The following CHST8 variants were observed in gnomAD, a reference collection of about 807,000 sequenced individuals.
CHST8 encodes carbohydrate sulfotransferase 8.
In CHST8, 10 loss-of-function variants were observed where a neutral mutation model predicts 15.0. The observed-to-expected ratio is 0.67, with a 90% confidence interval of 0.41 to 1.13. The LOEUF (loss-of-function observed/expected upper bound fraction) is 1.13, where lower values mean the gene tolerates loss of function less well. Ranked by LOEUF, CHST8 falls within the 50% of genes most tolerant of loss-of-function variation. CHST8 has a pLI of 0.00. For synonymous variants in CHST8, 259 were observed against 256.6 expected, an observed-to-expected ratio of 1.01 and a Z score of -0.09; for missense variants, 634 against 608.2, an observed-to-expected ratio of 1.04 and a Z score of -0.45.
intron 1 of CHST8, among the ~76,000 whole-genome samples, chr19:33,630,015 C>A (rs77626230): frequency 6.6e-6 from 1 of 151,938 alleles, no homozygotes; most frequent in African/African-American, 2.4e-5. Flanking sequence ...CAGACTGACT[C>A]GCACTTGGCA....
At chr19:33,703,334 G>C (rs1423937033) in intron 3 of CHST8, among the ~76,000 whole-genome samples, 1 of 152,186 alleles carries the variant, frequency 6.6e-6, no homozygotes, top group Non-Finnish European at 1.5e-5. Flanking sequence ...TGATGTCCTC[G>C]AGCCCCTGTT....
At chr19:33,652,372 CTTTTTTTTTTT>C (rs971053736) in intron 1 of CHST8, among the ~76,000 whole-genome samples, 1 of 100,614 alleles carries the variant, frequency 9.9e-6, no homozygotes, top group Non-Finnish European at 2.0e-5. Flanking sequence ...TTTTCTCTCT[CTTTTTTTTTTT>C]TTTTTTTTTT....
At chr19:33,627,871 T>A (rs914126967) in intron 1 of CHST8, among the ~76,000 whole-genome samples, 3 of 152,206 alleles carry the variant, frequency 2.0e-5, no homozygotes, top group African/African-American at 7.2e-5. Context: ...CCTGCCCTTG[T>A]GAGTTAGATG....
At chr19:33,758,617 G>T (rs917107724) in intron 3 of CHST8, among the ~76,000 whole-genome samples, 7 of 152,238 alleles carry the variant, frequency 4.6e-5, no homozygotes, top group Non-Finnish European at 8.8e-5. Flanking sequence ...GCCGGCTGGA[G>T]CTGGACCGAT....
intron 3 of CHST8, among the ~76,000 whole-genome samples, chr19:33,734,499 T>C (rs1275986615): frequency 6.6e-6 from 1 of 152,116 alleles, no homozygotes; most frequent in Non-Finnish European, 1.5e-5. Flanking sequence ...ATAACAGCAA[T>C]GGGGACCCAC....
intron 2 of CHST8, among the ~76,000 whole-genome samples, chr19:33,676,031 C>T (rs1600254230): frequency 6.6e-6 from 1 of 152,150 alleles, no homozygotes; most frequent in South Asian, 2.1e-4. Context: ...CCACCCATTG[C>T]CTCCTCTTTC....
At chr19:33,633,960 C>T (rs1331103605) in intron 1 of CHST8, among the ~76,000 whole-genome samples, 1 of 151,946 alleles carries the variant, frequency 6.6e-6, no homozygotes, top group African/African-American at 2.4e-5. Flanking sequence ...CACCACCACT[C>T]CCAGCTTTTT....
chr19:33,727,216 G>A (rs1973918151), intron 3 of CHST8, among the ~76,000 whole-genome samples: 1 of 152,010 alleles, frequency 6.6e-6, no homozygotes, highest in African/African-American at 2.4e-5. Flanking sequence ...TCCTGCCAGG[G>A]GAAAAACTTG....
chr19:33,681,207 T>A (rs1458296409), intron 2 of CHST8, among the ~76,000 whole-genome samples: 1 of 152,184 alleles, frequency 6.6e-6, no homozygotes, highest in Non-Finnish European at 1.5e-5. Flanking sequence ...TCAGTGGAGT[T>A]CACACAGAGG....
chr19:33,665,088 G>A (rs1002640844), intron 1 of CHST8, among the ~76,000 whole-genome samples: 2 of 151,480 alleles, frequency 1.3e-5, no homozygotes, highest in African/African-American at 2.4e-5. Context: ...GTAATACGCT[G>A]GTTTCCTTTC....
chr19:33,665,133 A>G (rs976814499), intron 1 of CHST8, among the ~76,000 whole-genome samples: 2 of 152,140 alleles, frequency 1.3e-5, no homozygotes, highest in Non-Finnish European at 2.9e-5. Context: ...ATCATATGGT[A>G]GTTCTATTTT....
intron 3 of CHST8, among the ~76,000 whole-genome samples, chr19:33,756,584 C>T (rs1974552233): frequency 6.6e-6 from 1 of 152,158 alleles, no homozygotes; most frequent in African/African-American, 2.4e-5. Flanking sequence ...AGACATTTCC[C>T]TCACCCTCAC....
chr19:33,717,859 C>A (rs113921766), intron 3 of CHST8, among the ~76,000 whole-genome samples: 1,728 of 152,204 alleles, frequency 0.011, 24 homozygotes, highest in South Asian at 0.03. Context: ...TGTATTATTC[C>A]TGTCTCATTT....
intron 3 of CHST8, among the ~76,000 whole-genome samples, chr19:33,757,454 GAAAGAAAGAAA>G (rs1974586823): frequency 2.9e-5 from 1 of 34,524 alleles, no homozygotes; most frequent in South Asian, 9.8e-4. Flanking sequence ...AAGAAAGAAA[GAAAGAAAGAAA>G]GAAAGAAAGA....
At position 33,772,852 on chromosome 19, in the gene CHST8, C is replaced by T; in HGVS notation, c.1064C>T (p.Ala355Val). The change falls in exon 5 of 5, where the codon GCC becomes GTC. Residue 355 changes from alanine (A) to valine (V), a missense_variant. Coordinates refer to ENST00000650847, the MANE Select transcript of CHST8 (RefSeq NM_001127895.2). ...AAGTTCGAGAGCATGGAGGACGATG[C>T]CAACTTCTTCCTGAGCCTCATCCGC... ...VGKFESMEDDANFFLSLIRAP... is the reference protein window; with the variant it reads ...VGKFESMEDDVNFFLSLIRAP... 8 of 1,613,540 alleles carry T rather than the reference C, an allele frequency of 5.0e-6. No homozygotes were observed. Among genetic ancestry groups the T allele is most frequent in the Non-Finnish European group, 6.8e-6 (8 of 1,180,040 alleles).
chr19:33,665,660 A>G (rs918311861), intron 1 of CHST8, among the ~76,000 whole-genome samples: 2 of 151,942 alleles, frequency 1.3e-5, no homozygotes, highest in Non-Finnish European at 2.9e-5. Context: ...AGCTTTTCTC[A>G]AGTGCAATCC....
intron 3 of CHST8, among the ~76,000 whole-genome samples, chr19:33,769,077 G>T (rs1026417463): frequency 3.9e-5 from 6 of 152,224 alleles, no homozygotes; most frequent in African/African-American, 1.4e-4. Flanking sequence ...AGAAGCTTAG[G>T]CTCAGAGTCC....
chr19:33,663,076 G>T (rs16968346), intron 1 of CHST8, among the ~76,000 whole-genome samples: 10 of 151,878 alleles, frequency 6.6e-5, no homozygotes, highest in Non-Finnish European at 2.9e-5. Context: ...TCTCCAATAT[G>T]CCTGGGTGGA....
chr19:33,640,829 C>G (rs576373472), intron 1 of CHST8, among the ~76,000 whole-genome samples: 58 of 152,266 alleles, frequency 3.8e-4, no homozygotes, highest in African/African-American at 1.3e-3. Context: ...CCTGCTGGCC[C>G]CTGGGTGATG....
Sources: gnomAD v4.1 joint callset for allele counts (sites outside exome capture counted in the v4.1 genomes callset) on GRCh38, gnomAD v4.1.1 for gene constraint, MANE v1.5 for transcripts, NCBI Gene and HGNC (gene_info 2026-07-23, HGNC 2026-07-21) for gene names.